DHX57: variants seen among roughly 807,000 people sequenced by gnomAD.
DHX57 encodes the protein putative ATP-dependent RNA helicase DHX57.
Under a neutral mutation model 156.2 loss-of-function variants are expected in DHX57, and 105 were observed. The observed-to-expected ratio is 0.67, with a 90% CI of 0.57 to 0.79. The LOEUF (loss-of-function observed/expected upper bound fraction) is 0.79, where lower values mean the gene tolerates loss of function less well. Among genes scored for constraint, DHX57 ranks in the 30% least tolerant of loss-of-function variants. The pLI is 0.00. For missense variants in DHX57, 1,847 were observed against 1,661.9 expected (o/e 1.11, Z -1.94); for synonymous variants, 704 against 595.6 (o/e 1.18, Z -2.65).
rs766388143 is a variant in DHX57 at position 38,823,293 on chromosome 2, T to C, written c.3015-24A>G. 16 of 1,598,608 alleles carry C rather than the reference T, an allele frequency of 1.0e-5. No individual in the cohort carries two copies. The South Asian group carries it at 1.3e-4, about 13-fold the overall frequency. On this transcript the variant is annotated intron_variant, in intron 16 of 23. Coordinates refer to ENST00000457308, the MANE Select transcript of DHX57 (RefSeq NM_198963.3). ...TTCTGAAAAGGAAACAAAATAATAA[T>C]TTGTCAATTTTATTTCTGGTGGGAT... is the stretch of plus-strand genomic sequence containing the variant.
intron 1 of DHX57, among the ~76,000 whole-genome samples, chr2:38,869,732 ACCCAG>A (rs1242429909): frequency 2.6e-5 from 4 of 152,246 alleles, no homozygotes; most frequent in Non-Finnish European, 2.9e-5. Context: ...GAGAATCAGT[ACCCAG>A]AGTTGTTACA....
chr2:38,841,569 G>C (rs1290519735), intron 12 of DHX57, among the ~76,000 whole-genome samples: 1 of 152,216 alleles, frequency 6.6e-6, no homozygotes, highest in East Asian at 1.9e-4. Flanking sequence ...GTCTTTGGTA[G>C]ATGCAGAAAA....
chr2:38,827,511 T>A (rs367545156), intron 14 of DHX57, among the ~76,000 whole-genome samples: 17,451 of 34,444 alleles, frequency 0.51, 4,514 homozygotes, highest in East Asian at 0.69. Flanking sequence ...AAAAAATATA[T>A]ATATATATAT....
At chr2:38,811,739 G>T in intron 21 of DHX57, 1 of 569,322 alleles carries the variant, frequency 1.8e-6, no homozygotes. Context: ...GGGGAGCAAA[G>T]GCAGGCAACA....
chr2:38,828,245 G>T (rs554472579), intron 14 of DHX57, 95 bp downstream of exon 14: 3 of 854,330 alleles, frequency 3.5e-6, no homozygotes, highest in East Asian at 2.9e-5. Flanking sequence ...ATGTATGCTC[G>T]AAGACTGGTG....
At chr2:38,854,360 C>T (rs951946781) in intron 8 of DHX57, 182 bp from the exon 9 acceptor site, 2 of 470,924 alleles carry the variant, frequency 4.2e-6, no homozygotes, top group Non-Finnish European at 7.3e-6. Context: ...CTTTCTACTT[C>T]ATATCACAAT....
intron 22 of DHX57, among the ~76,000 whole-genome samples, chr2:38,804,544 TG>T (rs1488804245): frequency 6.6e-6 from 1 of 152,110 alleles, no homozygotes; most frequent in African/African-American, 2.4e-5. Flanking sequence ...AGTCCAATTA[TG>T]GCTCAAAACC....
At chr2:38,811,268 GC>G in intron 21 of DHX57, 1 of 516,758 alleles carries the variant, frequency 1.9e-6, no homozygotes, top group Non-Finnish European at 3.8e-6. Context: ...AATCTGGGGG[GC>G]CAGCGAGTAG....
chr2:38,861,056 C>T lies in DHX57; in HGVS notation c.1354G>A (p.Ala452Thr), dbSNP rs1673166622. 6.2e-7 allele frequency: 1 copy of T among 1,613,998 alleles called. No individual in the cohort carries two copies. The highest frequency in any genetic ancestry group is 8.5e-7 in the Non-Finnish European group (1 of 1,179,984). ...TTTGGAATCACTGTTTTATGACAGGCAGGATTATTTATTCTGGTCCTAGAG... is the reference window on the plus strand; with the variant it reads ...TTTGGAATCACTGTTTTATGACAGGTAGGATTATTTATTCTGGTCCTAGAG... ...VPSRTRINNP[A>T]CHKTVIPNNS... Residue 452 changes from alanine to threonine, a missense_variant, in exon 5 of 24, where the codon GCC (alanine) becomes ACC (threonine). Transcript: ENST00000457308.
At chr2:38,858,547 G>T in intron 6 of DHX57, 114 bp downstream of exon 6, 7 of 1,382,508 alleles carry the variant, frequency 5.1e-6, no homozygotes, top group Non-Finnish European at 6.8e-6. Flanking sequence ...TGACCACTCA[G>T]GGAGAAAAAG....
At chr2:38,827,115 T>C (rs1201293777) in intron 14 of DHX57, among the ~76,000 whole-genome samples, 1 of 149,998 alleles carries the variant, frequency 6.7e-6, no homozygotes, top group Admixed American at 6.8e-5. Context: ...TGGGCGACAA[T>C]AGTGAGACTC....
chr2:38,805,900 G>A (rs1265216087), intron 22 of DHX57, among the ~76,000 whole-genome samples: 3 of 152,134 alleles, frequency 2.0e-5, no homozygotes, highest in African/African-American at 4.8e-5. Context: ...TGTGCCTTTG[G>A]TGGTTCAGGA....
In DHX57 at chr2:38,861,826, T is replaced by C. The variant is rs1305695932; in HGVS notation, c.584A>G (p.Asn195Ser). 6.3e-6 allele frequency: 10 copies of C among 1,598,948 alleles called. No individual in the cohort carries two copies. The highest frequency in any genetic ancestry group is 8.5e-6 in the Non-Finnish European group (10 of 1,172,320). ...CAGGACCGCTTGACAGCGTTCAGTA[T>C]TGAAACCATACCTGTCAAGGGCAAA... Reference protein sequence around the residue: ...AVQKLSRYGFNTERCQAVLRM... With the variant: ...AVQKLSRYGFSTERCQAVLRM... Residue 195 changes from asparagine to serine, a missense_variant, in exon 5 of 24, where the codon AAT becomes AGT. Physicochemically the swap from Asn to Ser is conservative, Grantham distance 46 (BLOSUM62 1). Transcript: ENST00000457308.
In DHX57 at chr2:38,863,383, G is replaced by T; in HGVS notation, c.361C>A (p.Gln121Lys). The T allele has an allele frequency of 6.2e-6, 10 of 1,612,550 alleles. No homozygotes were observed. The highest frequency in any genetic ancestry group is 8.5e-6 in the Non-Finnish European group (10 of 1,179,700). ...TACTCAGATCCAGCATCAGCATCTT[G>T]TTCTTGCAGGTCTCGGAGAAGAGCT... The part of the protein sequence containing the change: ...VKALLRDLQE[Q>K]DADAGSERGL... The change falls in exon 3 of 24, where the codon CAA becomes AAA. Residue 121 changes from glutamine to lysine, a missense_variant. Coordinates refer to ENST00000457308, the MANE Select transcript of DHX57 (RefSeq NM_198963.3).
At chr2:38,842,820 A>G (rs1352351647) in intron 12 of DHX57, among the ~76,000 whole-genome samples, 185 bp downstream of exon 12, 2 of 152,178 alleles carry the variant, frequency 1.3e-5, no homozygotes, top group Non-Finnish European at 2.9e-5. Context: ...CCATTGGCAA[A>G]TATAGTAACA....
intron 11 of DHX57, among the ~76,000 whole-genome samples, chr2:38,845,325 G>A (rs548968150): frequency 6.6e-6 from 1 of 152,272 alleles, no homozygotes; most frequent in African/African-American, 2.4e-5. Context: ...CAATGGTAGT[G>A]GGATAGGGCC....
intron 1 of DHX57, among the ~76,000 whole-genome samples, chr2:38,869,151 T>C (rs964775729): frequency 2.0e-5 from 3 of 152,240 alleles, no homozygotes; most frequent in African/African-American, 7.2e-5. Context: ...GTATTTAATA[T>C]ATGTTTTGAC....
intron 21 of DHX57, chr2:38,811,746 A>G (rs530074268): frequency 3.8e-4 from 208 of 544,192 alleles, no homozygotes; most frequent in African/African-American, 3.6e-3. Context: ...AAAGGCAGGC[A>G]ACAGAGCAGG....
At chr2:38,869,804 A>G (rs1665270388) in intron 1 of DHX57, among the ~76,000 whole-genome samples, 1 of 152,224 alleles carries the variant, frequency 6.6e-6, no homozygotes, top group Non-Finnish European at 1.5e-5. Context: ...ATGCAAAGAA[A>G]CACTTAAGTA....
Sources: gnomAD v4.1 joint callset for allele counts (sites outside exome capture counted in the v4.1 genomes callset) on GRCh38, gnomAD v4.1.1 for gene constraint, MANE v1.5 for transcripts, NCBI Gene and HGNC (gene_info 2026-07-23, HGNC 2026-07-21) for gene names.